ETV1: variants seen among roughly 807,000 people sequenced by gnomAD.
ETV1 encodes ETS translocation variant 1.
ETV1 carries 27 observed loss-of-function variants against 62.3 expected under a neutral mutation model. The ratio of observed to expected loss-of-function variants is 0.43; its 90% confidence interval spans 0.32 to 0.60. ETV1 has a LOEUF of 0.60. Ranked by LOEUF, ETV1 falls within the 20% of genes least tolerant of loss-of-function variation. ETV1 has a pLI of 0.06. For missense variants in ETV1, 605 were observed against 605.8 expected (o/e 1.00, Z 0.01); for synonymous variants, 222 against 199.6 (o/e 1.11, Z -0.94).
At chr7:13,976,749 G>A (rs1239745736) in intron 6 of ETV1, among the ~76,000 whole-genome samples, 2 of 152,070 alleles carry the variant, frequency 1.3e-5, no homozygotes, top group Non-Finnish European at 2.9e-5. Flanking sequence ...CAGGCAAAAC[G>A]CTCACTCTGC....
At chr7:13,918,467 C>G (rs1784443997) in intron 9 of ETV1, among the ~76,000 whole-genome samples, 1 of 152,172 alleles carries the variant, frequency 6.6e-6, no homozygotes. Flanking sequence ...ATAGCAAAGA[C>G]TTGGAACCAA....
chr7:13,982,638 C>T (rs909904261), intron 5 of ETV1, among the ~76,000 whole-genome samples: 26 of 151,990 alleles, frequency 1.7e-4, no homozygotes, highest in Non-Finnish European at 3.4e-4. Context: ...CCCACACACA[C>T]ATGAAATTAT....
chr7:13,936,868 C>T (rs564181447), intron 7 of ETV1, among the ~76,000 whole-genome samples: 1 of 151,892 alleles, frequency 6.6e-6, no homozygotes, highest in Non-Finnish European at 1.5e-5. Flanking sequence ...TGGTGAAACC[C>T]CGTCTCTACT....
At chr7:13,923,778 A>G (rs1785112488) in intron 9 of ETV1, among the ~76,000 whole-genome samples, 1 of 152,116 alleles carries the variant, frequency 6.6e-6, no homozygotes. Flanking sequence ...CACACCTGTT[A>G]TCCCAGCATT....
chr7:13,950,411 T>A (rs1477588018), intron 6 of ETV1, among the ~76,000 whole-genome samples: 1 of 152,030 alleles, frequency 6.6e-6, no homozygotes, highest in African/African-American at 2.4e-5. Flanking sequence ...CCAGTAACAG[T>A]AACTTCACAC....
chr7:13,916,133 TA>T (rs1489922685), intron 9 of ETV1, among the ~76,000 whole-genome samples: 1 of 152,174 alleles, frequency 6.6e-6, no homozygotes, highest in Non-Finnish European at 1.5e-5. Context: ...ATGAATTTAG[TA>T]TTACCTCACT....
intron 6 of ETV1, among the ~76,000 whole-genome samples, chr7:13,968,936 G>C (rs1468654257): frequency 6.6e-6 from 1 of 152,132 alleles, no homozygotes; most frequent in Non-Finnish European, 1.5e-5. Flanking sequence ...GCAAGATGGA[G>C]AGTACTTTTC....
intron 6 of ETV1, among the ~76,000 whole-genome samples, chr7:13,951,387 A>G (rs1421027971): frequency 6.6e-6 from 1 of 152,206 alleles, no homozygotes. Flanking sequence ...AGACTGGGCA[A>G]TCCACTTAAC....
chr7:13,960,029 C>T (rs1286500179), intron 6 of ETV1, among the ~76,000 whole-genome samples: 1 of 150,418 alleles, frequency 6.6e-6, no homozygotes, highest in Non-Finnish European at 1.5e-5. Context: ...AAATAAAGAG[C>T]AGGCTCTTTC....
intron 2 of ETV1, 32 bp downstream of exon 2, chr7:13,989,236 A>G: frequency 1.7e-5 from 3 of 175,344 alleles, no homozygotes; most frequent in Non-Finnish European, 3.2e-5. Context: ...TCCCATTCAC[A>G]AAAATAACCC....
chr7:13,960,360 T>C (rs1004920095), intron 6 of ETV1, among the ~76,000 whole-genome samples: 2 of 152,144 alleles, frequency 1.3e-5, no homozygotes, highest in African/African-American at 4.8e-5. Flanking sequence ...ATAAATTAAG[T>C]AGATATTGAT....
intron 6 of ETV1, among the ~76,000 whole-genome samples, chr7:13,961,141 A>G (rs867775837): frequency 2.1e-5 from 3 of 145,780 alleles, no homozygotes; most frequent in Non-Finnish European, 3.0e-5. Context: ...GCAAGACCTC[A>G]TCTCAAAAAA....
chr7:13,901,426 T>C (rs1181883687), intron 12 of ETV1, among the ~76,000 whole-genome samples: 1 of 152,192 alleles, frequency 6.6e-6, no homozygotes, highest in Non-Finnish European at 1.5e-5. Context: ...ACAACAGGAA[T>C]GAACAGGCTA....
intron 6 of ETV1, among the ~76,000 whole-genome samples, chr7:13,976,863 G>A (rs1343182614): frequency 6.6e-6 from 1 of 152,172 alleles, no homozygotes; most frequent in Non-Finnish European, 1.5e-5. Context: ...AACCCTGAGA[G>A]AAGCCAATGG....
At chr7:13,909,751 A>C in intron 10 of ETV1, 51 bp from the exon 11 acceptor site, 1 of 1,416,252 alleles carries the variant, frequency 7.1e-7, no homozygotes, top group Non-Finnish European at 9.9e-7. Context: ...GAAGCTCACA[A>C]ACACTTAAAA....
rs146192667 is a variant in ETV1, at chr7:13,895,530, G to C, written c.*336C>G. The C allele has an allele frequency of 1.5e-3, 450 of 301,984 alleles. 3 individuals carry two copies. Among genetic ancestry groups the C allele is most frequent in the African/African-American group, 8.7e-3 (419 of 47,978 alleles). 18.7% of individuals were successfully genotyped at this position (301,984 alleles called of 1,614,324 possible). On this transcript the variant is annotated 3_prime_UTR_variant, in exon 14 of 14. Transcript: ENST00000430479. The stretch of plus-strand genomic sequence containing the variant: ...AATAAACATTATCTTATGTTGTTAT[G>C]AAATCAAACAGACATGATATAGTTT...
chr7:13,918,148 A>G (rs1784400987), intron 9 of ETV1, among the ~76,000 whole-genome samples: 1 of 152,076 alleles, frequency 6.6e-6, no homozygotes, highest in African/African-American at 2.4e-5. Context: ...TCTTGTTTTC[A>G]TCTCTCCTTG....
chr7:13,943,909 A>C (rs1787855026), intron 6 of ETV1, among the ~76,000 whole-genome samples: 1 of 152,232 alleles, frequency 6.6e-6, no homozygotes, highest in African/African-American at 2.4e-5. Context: ...AGCTACACTA[A>C]TTAAGTTACT....
intron 7 of ETV1, among the ~76,000 whole-genome samples, chr7:13,936,910 T>A (rs1473840372): frequency 6.6e-6 from 1 of 151,948 alleles, no homozygotes; most frequent in Non-Finnish European, 1.5e-5. Flanking sequence ...GGCGTGGTGA[T>A]GCATGTCTGT....
Sources: allele counts gnomAD v4.1 joint callset (sites outside exome capture counted in the v4.1 genomes callset), GRCh38; gene constraint gnomAD v4.1.1; transcripts MANE v1.5; gene names NCBI Gene and HGNC (gene_info 2026-07-23, HGNC 2026-07-21).